Variants in LNX1 observed in about 807,000 individuals in gnomAD.
LNX1 encodes E3 ubiquitin-protein ligase LNX.
Under a neutral mutation model 68.4 loss-of-function variants are expected in LNX1, and 54 were observed. That is an observed-to-expected ratio of 0.79 (90% CI 0.63 to 0.99). The LOEUF is 0.99. LNX1 is among the 50% of genes least tolerant of loss of function. LNX1 has a pLI of 0.00. For synonymous variants in LNX1, 336 were observed against 350.0 expected (o/e 0.96, Z 0.45); for missense variants, 906 against 926.4 (o/e 0.98, Z 0.29).
intron 2 of LNX1, among the ~76,000 whole-genome samples, chr4:53,509,190 G>C (rs183638390): frequency 6.6e-6 from 1 of 152,316 alleles, no homozygotes; most frequent in Non-Finnish European, 1.5e-5. Flanking sequence ...GTAGCTACAG[G>C]TAACCACTCC....
At chr4:53,478,241 C>T (rs1723690336) in intron 8 of LNX1, among the ~76,000 whole-genome samples, 1 of 152,050 alleles carries the variant, frequency 6.6e-6, no homozygotes, top group African/African-American at 2.4e-5. Flanking sequence ...CGGATCAACC[C>T]ACTAAAGAAC....
chr4:53,576,468 G>A, intron 1 of LNX1: 5 of 1,373,536 alleles, frequency 3.6e-6, no homozygotes, highest in Non-Finnish European at 4.7e-6. Flanking sequence ...ACTCTTCCCA[G>A]GACAGCCCTG....
rs763347762 is a variant in LNX1, at chr4:53,507,419, T to A, written c.673A>T (p.Asn225Tyr). 11 of 1,614,066 alleles carry A rather than the reference T, an allele frequency of 6.8e-6. No homozygotes were observed. In the African/African-American group the frequency reaches 1.3e-4, roughly 20 times the overall value. ...TIRSRSFKKI[N>Y]RALSVLRRTK... ...CTTCGAAGAACACTCAAAGCTCGAT[T>A]TATTTTTTTAAATGATCTGCTTCTA... The change falls in exon 4 of 11, where the codon AAT becomes TAT. Residue 225 changes from asparagine (N) to tyrosine (Y), a missense_variant. Transcript: ENST00000263925.
intron 2 of LNX1, among the ~76,000 whole-genome samples, chr4:53,562,966 T>G (rs553075740): frequency 6.6e-6 from 1 of 152,108 alleles, no homozygotes; most frequent in Non-Finnish European, 1.5e-5. Context: ...ATCCCAGAAC[T>G]TTGGGAGGCC....
intron 1 of LNX1, among the ~76,000 whole-genome samples, chr4:53,645,961 A>G (rs986296263): frequency 1.3e-5 from 2 of 152,228 alleles, no homozygotes; most frequent in African/African-American, 4.8e-5. Flanking sequence ...TCCAAGTCAG[A>G]TGAGGAAAGC....
chr4:53,577,684 G>C (rs1005043660), intron 1 of LNX1, among the ~76,000 whole-genome samples: 5 of 152,002 alleles, frequency 3.3e-5, no homozygotes, highest in African/African-American at 9.7e-5. Context: ...CAAAGTTCTA[G>C]GGTTACAGAT....
chr4:53,588,392 T>C (rs1308514616), intron 1 of LNX1, among the ~76,000 whole-genome samples: 1 of 152,130 alleles, frequency 6.6e-6, no homozygotes, highest in African/African-American at 2.4e-5. Flanking sequence ...GATAACCCTA[T>C]TACACAGCTG....
intron 10 of LNX1, 132 bp from the exon 11 acceptor site, chr4:53,461,174 TTTCTTGCCTC>T: frequency 1.3e-6 from 1 of 777,232 alleles, no homozygotes; most frequent in Non-Finnish European, 2.0e-6. Context: ...AATTGAGATA[TTTCTTGCCTC>T]TTATTTACAT....
intron 1 of LNX1, among the ~76,000 whole-genome samples, chr4:53,578,449 A>G (rs1172386351): frequency 1.3e-5 from 2 of 152,246 alleles, no homozygotes; most frequent in African/African-American, 4.8e-5. Flanking sequence ...CAACTGTAAC[A>G]CAATGGTAAG....
At chr4:53,616,827 T>TA (rs1349123406) in intron 1 of LNX1, among the ~76,000 whole-genome samples, 2 of 152,188 alleles carry the variant, frequency 1.3e-5, no homozygotes, top group Non-Finnish European at 2.9e-5. Context: ...ATAACATAGG[T>TA]AAATGGCAGA....
chr4:53,514,578 A>G (rs1009192653), intron 2 of LNX1, among the ~76,000 whole-genome samples: 6 of 152,232 alleles, frequency 3.9e-5, no homozygotes, highest in Non-Finnish European at 8.8e-5. Flanking sequence ...AACTGCCCCC[A>G]TGATTCATGG....
At chr4:53,480,317 A>C (rs1723829242) in intron 7 of LNX1, among the ~76,000 whole-genome samples, 1 of 152,220 alleles carries the variant, frequency 6.6e-6, no homozygotes, top group African/African-American at 2.4e-5. Flanking sequence ...AGAGGGTTGC[A>C]GCAGAAATGT....
chr4:53,557,990 C>T (rs1161044317), intron 2 of LNX1: 10 of 1,613,032 alleles, frequency 6.2e-6, no homozygotes, highest in Non-Finnish European at 8.5e-6. Flanking sequence ...GCTGCCTTCT[C>T]CCTGGCCACC....
intron 9 of LNX1, 32 bp from the exon 10 acceptor site, chr4:53,461,625 ATTTAAGT>A: frequency 6.5e-7 from 1 of 1,545,426 alleles, no homozygotes; most frequent in Non-Finnish European, 8.8e-7. Context: ...GTACATGCAT[ATTTAAGT>A]TTCACAGTTA....
chr4:53,620,531 G>T (rs955225489), upstream of LNX1, among the ~76,000 whole-genome samples: 3 of 152,128 alleles, frequency 2.0e-5, no homozygotes, highest in African/African-American at 7.2e-5. Context: ...GGTGCATTCG[G>T]GTTGAGGATT....
chr4:53,541,944 T>C (rs1337329123), intron 2 of LNX1, among the ~76,000 whole-genome samples: 1 of 152,200 alleles, frequency 6.6e-6, no homozygotes, highest in East Asian at 1.9e-4. Flanking sequence ...TTGGCAAACA[T>C]GAGCATGCAT....
chr4:53,498,035 T>G (rs1360567521), intron 5 of LNX1, among the ~76,000 whole-genome samples: 1 of 152,158 alleles, frequency 6.6e-6, no homozygotes, highest in African/African-American at 2.4e-5. Context: ...AAATTCCTCC[T>G]TCTCCTTAAC....
At chr4:53,531,475 T>A (rs1168479264) in intron 2 of LNX1, among the ~76,000 whole-genome samples, 3 of 152,204 alleles carry the variant, frequency 2.0e-5, no homozygotes, top group African/African-American at 7.2e-5. Flanking sequence ...TCTCATTCTA[T>A]ACACACAGCT....
chr4:53,619,281 A>G (rs1733784202), upstream of LNX1, among the ~76,000 whole-genome samples: 1 of 152,188 alleles, frequency 6.6e-6, no homozygotes, highest in African/African-American at 2.4e-5. Flanking sequence ...TACAAACACT[A>G]TTTCATTTCA....
Sources: gnomAD v4.1 joint callset for allele counts (sites outside exome capture counted in the v4.1 genomes callset) on GRCh38, gnomAD v4.1.1 for gene constraint, MANE v1.5 for transcripts, NCBI Gene and HGNC (gene_info 2026-07-23, HGNC 2026-07-21) for gene names.